Variants in PLCH2 observed in about 807,000 individuals in gnomAD.
The protein encoded by PLCH2 is 1-phosphatidylinositol 4,5-bisphosphate phosphodiesterase eta-2.
In PLCH2, 98 loss-of-function variants were observed where a neutral mutation model predicts 134.7. The ratio of observed to expected loss-of-function variants is 0.73; its 90% CI spans 0.62 to 0.86. The LOEUF is 0.86. PLCH2 is among the 40% of genes least tolerant of loss of function. PLCH2 has a pLI of 0.00. For missense variants in PLCH2, 1,994 were observed against 1,986.6 expected (o/e 1.00, Z -0.07); for synonymous variants, 974 against 827.5 (o/e 1.18, Z -3.04).
intron 2 of PLCH2, among the ~76,000 whole-genome samples, chr1:2,457,068 C>A (rs536585661): frequency 1.3e-5 from 2 of 152,342 alleles, no homozygotes; most frequent in East Asian, 3.9e-4. Flanking sequence ...AGTCCTCAGG[C>A]GCCTGGTGTG....
upstream of PLCH2, among the ~76,000 whole-genome samples, chr1:2,465,443 T>C (rs1641012493): frequency 6.6e-6 from 1 of 152,132 alleles, no homozygotes; most frequent in Non-Finnish European, 1.5e-5. Context: ...GCAGGGGCTC[T>C]GGCGGGCTCA....
chr1:2,491,144 CG>C, intron 10 of PLCH2, 47 bp from the exon 11 acceptor site: 1 of 1,569,614 alleles, frequency 6.4e-7, no homozygotes, highest in Non-Finnish European at 8.7e-7. Context: ...TGCCACTACT[CG>C]CAGGGCTCGG....
chr1:2,418,445 C>T, the PLCH2 span, among the ~76,000 whole-genome samples: 2 of 152,198 alleles, frequency 1.3e-5, no homozygotes, highest in African/African-American at 2.4e-5. Context: ...TCGTTCTGCT[C>T]CACCACGTGC....
At position 2,480,165 on chromosome 1, in the gene PLCH2, C is replaced by T; in HGVS notation, c.516-18C>T. 1 of 1,612,496 alleles carries T rather than the reference C, an allele frequency of 6.2e-7. No individual in the cohort carries two copies. The highest frequency in any genetic ancestry group is 1.1e-5 in the South Asian group (1 of 91,054). On this transcript the variant is annotated intron_variant, in intron 3 of 21. Coordinates refer to ENST00000378486, the MANE Select transcript of PLCH2 (RefSeq NM_014638.4). ...GCTGGGCCCATGGATCGCTGTTGGC[C>T]CCTAACTCGGCACCAAAGTGGCTGA... is the stretch of plus-strand genomic sequence containing the variant.
At position 2,476,449 on chromosome 1, in the gene PLCH2, TGAG is replaced by T. The variant is rs1641622214; in HGVS notation, c.-128_-126del. 2.0e-4 allele frequency: 166 copies of T among 816,652 alleles called. No individual in the cohort carries two copies. Among genetic ancestry groups the T allele is most frequent in the Middle Eastern group, 3.8e-4 (1 of 2,658 alleles). 50.6% of individuals were successfully genotyped at this position (816,652 alleles called of 1,614,324 possible). The stretch of plus-strand genomic sequence containing the variant: ...GCCCTGTGGGGGCTTCGGAGGGCCC[TGAG>T]GAGGAGGAGGAAGAGGCAGAGGAGA... On this transcript the variant is annotated 5_prime_UTR_variant, in exon 1 of 22. Coordinates refer to ENST00000378486, the MANE Select transcript of PLCH2 (RefSeq NM_014638.4).
Position 2,504,174 on chromosome 1 carries a change from C to A in PLCH2, c.3212C>A (p.Ala1071Asp). ...GEGAGGAYER[A>D]PGSQTDGRSQ... ...GGCGCCGGCGGGGCATACGAGAGGG[C>A]CCCCGGCAGCCAGACGGACGGCAGG... Residue 1071 changes from alanine (A) to aspartate (D), a missense_variant, in exon 22 of 22, where the codon GCC becomes GAC. By Grantham distance (126) the Ala-to-Asp change is moderately radical. Coordinates refer to ENST00000378486, the MANE Select transcript of PLCH2 (RefSeq NM_014638.4). 1 of 1,534,402 alleles carries A rather than the reference C, an allele frequency of 6.5e-7. No homozygotes were observed.
intron 2 of PLCH2, among the ~76,000 whole-genome samples, chr1:2,449,464 C>T (rs1421580519): frequency 3.9e-5 from 6 of 152,074 alleles, no homozygotes; most frequent in Admixed American, 3.9e-4. Context: ...TACTGCACTC[C>T]AGCCTGGGTG....
intron 8 of PLCH2, among the ~76,000 whole-genome samples, chr1:2,488,413 T>C (rs990316449): frequency 1.3e-5 from 2 of 152,210 alleles, no homozygotes; most frequent in East Asian, 1.9e-4. Context: ...CAGTGTAATC[T>C]GTGCAGGCAC....
At chr1:2,480,404 C>A in intron 4 of PLCH2, 92 bp downstream of exon 4, 1 of 1,410,278 alleles carries the variant, frequency 7.1e-7, no homozygotes, top group Non-Finnish European at 9.8e-7. Context: ...CCTGACTGAG[C>A]TGGAGGGGAC....
At chr1:2,495,607 C>G in intron 13 of PLCH2, 37 bp downstream of exon 13, 1 of 1,450,072 alleles carries the variant, frequency 6.9e-7, no homozygotes, top group Non-Finnish European at 9.3e-7. Context: ...CCCGCACACT[C>G]CTGGGAGCCT....
chr1:2,473,359 C>T (rs868101815), upstream of PLCH2, among the ~76,000 whole-genome samples: 56 of 152,192 alleles, frequency 3.7e-4, no homozygotes, highest in Non-Finnish European at 3.5e-4. Flanking sequence ...GGATCACGGG[C>T]GCATTCCTCT....
upstream of PLCH2, among the ~76,000 whole-genome samples, chr1:2,476,070 C>T (rs550489655): frequency 2.0e-4 from 30 of 152,328 alleles, no homozygotes; most frequent in South Asian, 6.2e-4. Flanking sequence ...GCAGGCCTTC[C>T]GGTTGCGTTC....
chr1:2,438,574 G>A (rs1353104520), intron 2 of PLCH2, among the ~76,000 whole-genome samples: 2 of 152,212 alleles, frequency 1.3e-5, no homozygotes, highest in African/African-American at 4.8e-5. Flanking sequence ...GGTGCCCACA[G>A]GAAGGGGAGG....
At position 2,503,980 on chromosome 1, in the gene PLCH2, C is replaced by T. The variant is rs769112214; in HGVS notation, c.3018C>T (p.Ile1006=). Residue 1006 remains isoleucine, a synonymous_variant, in exon 22 of 22, where the codon ATC becomes ATT. Transcript: ENST00000378486. ...PLPPLCSLET[I]AEEPAPGPGP... ...CCCCACTGTGCAGCCTGGAAACCATCGCTGAGGAGCCCGCCCCAGGCCCTG... is the reference window on the plus strand; with the variant it reads ...CCCCACTGTGCAGCCTGGAAACCATTGCTGAGGAGCCCGCCCCAGGCCCTG... 5.3e-6 allele frequency: 8 copies of T among 1,514,358 alleles called. No homozygotes were observed. In the South Asian group the frequency reaches 7.2e-5, roughly 14 times the overall value. The allele number at this position is 1,514,358 out of a possible 1,614,324, so 93.8% of individuals were successfully genotyped here. A position where few individuals can be genotyped will look rare whatever the true frequency, so the allele number is the denominator to read the frequency against.
chr1:2,475,942 C>T (rs1164495029), upstream of PLCH2, among the ~76,000 whole-genome samples: 1 of 152,146 alleles, frequency 6.6e-6, no homozygotes, highest in Non-Finnish European at 1.5e-5. Flanking sequence ...CTCAGAGGTC[C>T]TCATAAGTAG....
chr1:2,445,782 G>T (rs938334711), intron 2 of PLCH2, among the ~76,000 whole-genome samples: 1 of 152,304 alleles, frequency 6.6e-6, no homozygotes, highest in South Asian at 2.1e-4. Context: ...CGGCACACAC[G>T]GATTGCCGTA....
At chr1:2,438,396 G>T (rs1469706454) in intron 2 of PLCH2, among the ~76,000 whole-genome samples, 1 of 152,162 alleles carries the variant, frequency 6.6e-6, no homozygotes, top group Admixed American at 6.5e-5. Context: ...GGGGCCCAGG[G>T]TCAGCCCAGG....
At chr1:2,489,921 C>A in intron 10 of PLCH2, 54 bp downstream of exon 10, 1 of 1,268,010 alleles carries the variant, frequency 7.9e-7, no homozygotes, top group Non-Finnish European at 1.2e-6. Flanking sequence ...TTCCCAAGAA[C>A]AGCTGTCCGT....
exon 1 of PLCH2, chr1:2,426,022 A>C (rs1638778248): frequency 6.6e-6 from 1 of 152,216 alleles, no homozygotes; most frequent in Non-Finnish European, 1.5e-5. Flanking sequence ...GGCTCCCTGC[A>C]CGGAACTGAG....
Sources: gnomAD v4.1 joint callset for allele counts (sites outside exome capture counted in the v4.1 genomes callset) on GRCh38, gnomAD v4.1.1 for gene constraint, MANE v1.5 for transcripts, NCBI Gene and HGNC (gene_info 2026-07-23, HGNC 2026-07-21) for gene names.